Variants in OTOA observed in about 807,000 individuals in gnomAD.
The protein encoded by OTOA is cancer/testis antigen 108.
A neutral mutation model predicts 110.8 loss-of-function variants in OTOA; 70 were observed. The observed-to-expected ratio is 0.63, with a 90% CI of 0.52 to 0.77. OTOA has a LOEUF of 0.77. Among genes scored for constraint, OTOA ranks in the 30% least tolerant of loss-of-function variants. OTOA has a pLI of 0.00. For missense variants in OTOA, 917 were observed against 1,075.8 expected, an observed-to-expected ratio of 0.85 and a Z score of 2.06; for synonymous variants, 373 against 431.5, an observed-to-expected ratio of 0.86 and a Z score of 1.68.
intron 28 of OTOA, among the ~76,000 whole-genome samples, chr16:21,757,668 G>C (rs1900039820): frequency 1.3e-5 from 2 of 151,482 alleles, no homozygotes; most frequent in South Asian, 2.1e-4. Context: ...GCCCAGGCTG[G>C]AGTGCAGTGC....
intron 17 of OTOA, 131 bp from the exon 18 acceptor site, chr16:21,722,774 T>C (rs215900): frequency 0.024 from 18,549 of 783,086 alleles, 309 homozygotes; most frequent in Non-Finnish European, 0.031. Flanking sequence ...TAGTGGTACT[T>C]ACATCATAGG....
chr16:21,713,121 G>A (rs149627866), intron 13 of OTOA, among the ~76,000 whole-genome samples: 3 of 152,082 alleles, frequency 2.0e-5, no homozygotes, highest in South Asian at 2.1e-4. Context: ...ATGCCACTAC[G>A]CCGGGCTGAT....
At chr16:21,721,447 G>C (rs1597841796) in intron 17 of OTOA, 1 of 455,920 alleles carries the variant, frequency 2.2e-6, no homozygotes. Context: ...GAGGCCAGGG[G>C]TGGAGCTCAA....
chr16:21,728,565 T>C (rs2031899101), intron 20 of OTOA, 134 bp downstream of exon 20: 1 of 1,150,844 alleles, frequency 8.7e-7, no homozygotes, highest in Admixed American at 2.8e-5. Context: ...ATTTTGGAAA[T>C]GTGACCTTTC....
At chr16:21,704,176 A>G (rs1898107788) in intron 11 of OTOA, among the ~76,000 whole-genome samples, 1 of 151,988 alleles carries the variant, frequency 6.6e-6, no homozygotes. Context: ...CTGCCCTTCC[A>G]TTGTTTTCCT....
chr16:21,690,005 G>C (rs1897796392), intron 8 of OTOA, among the ~76,000 whole-genome samples: 2 of 152,050 alleles, frequency 1.3e-5, no homozygotes, highest in African/African-American at 2.4e-5. Flanking sequence ...ACTTTAAATG[G>C]GTGAATTGTA....
chr16:21,691,623 T>G lies in OTOA; in HGVS notation c.675T>G (p.Ala225=). Residue 225 remains alanine, a synonymous_variant, in exon 9 of 29, where the codon GCT becomes GCG. Transcript: ENST00000646100. ...VFKDLYDKTS[A]HSQRALYSWM... ...AAGATCTCTACGACAAAACCTCGGC[T>G]CATTCCCAGAGAGCTCTCTATTCCT... The G allele has an allele frequency of 6.2e-7, 1 of 1,613,996 alleles. No individual in the cohort carries two copies. Among genetic ancestry groups the G allele is most frequent in the South Asian group, 1.1e-5 (1 of 91,084 alleles).
At chr16:21,735,660 C>G (rs866497101) in intron 21 of OTOA, among the ~76,000 whole-genome samples, 1 of 152,128 alleles carries the variant, frequency 6.6e-6, no homozygotes, top group South Asian at 2.1e-4. Flanking sequence ...GTGGCATGCT[C>G]TCGACTCACT....
chr16:21,756,239 C>T (rs1899982051), intron 27 of OTOA, among the ~76,000 whole-genome samples: 1 of 151,460 alleles, frequency 6.6e-6, no homozygotes, highest in Admixed American at 6.6e-5. Context: ...ACACCTTGTT[C>T]ACAGTCCTTG....
At chr16:21,695,022 T>A (rs1439022924) in intron 9 of OTOA, among the ~76,000 whole-genome samples, 1 of 140,624 alleles carries the variant, frequency 7.1e-6, no homozygotes. Context: ...CTACAGTGAG[T>A]TAAAATTAAT....
intron 20 of OTOA, among the ~76,000 whole-genome samples, chr16:21,728,659 G>C (rs1388648251): frequency 6.6e-6 from 1 of 151,760 alleles, no homozygotes; most frequent in East Asian, 1.9e-4. Context: ...CACGACCTTG[G>C]CTCACTGCAA....
chr16:21,697,631 C>A, intron 9 of OTOA, 144 bp from the exon 10 acceptor site: 1 of 778,540 alleles, frequency 1.3e-6, no homozygotes, highest in Non-Finnish European at 2.1e-6. Flanking sequence ...GATTCTGTCT[C>A]AAAAAACCCC....
At chr16:21,665,164 T>A (rs776961558) in intron 1 of OTOA, among the ~76,000 whole-genome samples, 7 of 152,100 alleles carry the variant, frequency 4.6e-5, no homozygotes, top group Admixed American at 2.0e-4. Flanking sequence ...TGGGGTCTTA[T>A]CCCTGGGGTG....
chr16:21,676,905 C>T (rs1483936143), intron 1 of OTOA, among the ~76,000 whole-genome samples: 2 of 152,138 alleles, frequency 1.3e-5, no homozygotes, highest in African/African-American at 4.8e-5. Context: ...TCAGGGATCT[C>T]AGTCTTGTGC....
At chr16:21,722,841 GGAAA>G (rs1169768433) in intron 17 of OTOA, 60 bp from the exon 18 acceptor site, 9 of 1,437,364 alleles carry the variant, frequency 6.3e-6, no homozygotes, top group African/African-American at 4.2e-5. Flanking sequence ...CCTGGCACAT[GGAAA>G]GCACTGTGTT....
chr16:21,726,249 G>A (rs999129785), intron 18 of OTOA, among the ~76,000 whole-genome samples: 3 of 151,958 alleles, frequency 2.0e-5, no homozygotes, highest in African/African-American at 7.3e-5. Flanking sequence ...GTCATGATGG[G>A]AAGTTTGTTC....
chr16:21,721,047 TGGGATTCTA>T (rs1202211204), intron 17 of OTOA, among the ~76,000 whole-genome samples: 1 of 151,600 alleles, frequency 6.6e-6, no homozygotes, highest in African/African-American at 2.4e-5. Flanking sequence ...CCTGTCTAAC[TGGGATTCTA>T]GGTGCGCACC....
At chr16:21,697,638 C>A (rs1378278010) in intron 9 of OTOA, 137 bp from the exon 10 acceptor site, 5 of 810,674 alleles carry the variant, frequency 6.2e-6, no homozygotes, top group African/African-American at 3.4e-5. Flanking sequence ...TCTCAAAAAA[C>A]CCCGAAAAAC....
intron 24 of OTOA, among the ~76,000 whole-genome samples, chr16:21,750,372 C>T (rs1217761462): frequency 3.2e-5 from 4 of 124,746 alleles, no homozygotes; most frequent in South Asian, 2.9e-4. Flanking sequence ...GAGATCATGC[C>T]GCTGCACTCC....
Sources: allele counts gnomAD v4.1 joint callset (sites outside exome capture counted in the v4.1 genomes callset), GRCh38; gene constraint gnomAD v4.1.1; transcripts MANE v1.5; gene names NCBI Gene and HGNC (gene_info 2026-07-23, HGNC 2026-07-21).